Variants in TRPM3 observed in about 807,000 individuals in gnomAD.
TRPM3 encodes the protein transient receptor potential cation channel subfamily M member 3.
A neutral mutation model predicts 181.2 loss-of-function variants in TRPM3; 77 were observed. The ratio of observed to expected loss-of-function variants is 0.42; its 90% CI spans 0.35 to 0.51. The LOEUF is 0.51. Ranked by LOEUF, TRPM3 falls within the 20% of genes least tolerant of loss-of-function variation. TRPM3 has a pLI of 0.01. For missense variants in TRPM3, 1,759 were observed against 2,196.7 expected, an observed-to-expected ratio of 0.80 and a Z score of 3.98; for synonymous variants, 745 against 796.4, an observed-to-expected ratio of 0.94 and a Z score of 1.09.
At chr9:71,118,720 A>C (rs1368430632) in intron 1 of TRPM3, among the ~76,000 whole-genome samples, 1 of 152,142 alleles carries the variant, frequency 6.6e-6, no homozygotes, top group African/African-American at 2.4e-5. Context: ...TGTTACCTTA[A>C]GATTTCAATA....
intron 1 of TRPM3, among the ~76,000 whole-genome samples, chr9:71,279,334 C>T (rs184737840): frequency 3.9e-5 from 6 of 152,190 alleles, no homozygotes; most frequent in East Asian, 3.9e-4. Context: ...AGTTACACAA[C>T]GGAGCTCAAA....
chr9:71,147,931 A>G (rs951566319), intron 1 of TRPM3, among the ~76,000 whole-genome samples: 1 of 151,982 alleles, frequency 6.6e-6, no homozygotes, highest in Non-Finnish European at 1.5e-5. Flanking sequence ...TTTCCTCTCT[A>G]CCTTCACAAA....
chr9:70,901,607 C>T (rs2096387854), intron 1 of TRPM3, among the ~76,000 whole-genome samples: 1 of 151,690 alleles, frequency 6.6e-6, no homozygotes, highest in African/African-American at 2.4e-5. Flanking sequence ...AATATATTTC[C>T]AAATAAATTG....
At chr9:70,872,770 G>T (rs1047513577) in intron 1 of TRPM3, among the ~76,000 whole-genome samples, 15 of 151,896 alleles carry the variant, frequency 9.9e-5, no homozygotes, top group African/African-American at 2.9e-4. Context: ...TGTGGCCCCA[G>T]CACCTAGAAC....
At chr9:71,291,892 A>G (rs1196521794) in intron 1 of TRPM3, among the ~76,000 whole-genome samples, 3 of 152,110 alleles carry the variant, frequency 2.0e-5, no homozygotes, top group Non-Finnish European at 4.4e-5. Flanking sequence ...TTCAGATGGG[A>G]CATTTAGGAA....
At chr9:71,290,854 T>C (rs1221197645) in intron 1 of TRPM3, among the ~76,000 whole-genome samples, 1 of 149,616 alleles carries the variant, frequency 6.7e-6, no homozygotes, top group East Asian at 1.9e-4. Flanking sequence ...GACATAAGTG[T>C]ATAAAATCTA....
intron 22 of TRPM3, among the ~76,000 whole-genome samples, chr9:70,559,360 G>T (rs1043344154): frequency 9.2e-5 from 14 of 152,158 alleles, no homozygotes; most frequent in African/African-American, 1.4e-4. Context: ...GTATCATCAT[G>T]ACCTGTCAAT....
intron 1 of TRPM3, among the ~76,000 whole-genome samples, chr9:71,213,659 G>T (rs577401107): frequency 6.6e-6 from 1 of 152,206 alleles, no homozygotes; most frequent in Non-Finnish European, 1.5e-5. Context: ...TTTTAAAAAA[G>T]AGGTAACAGG....
intron 8 of TRPM3, among the ~76,000 whole-genome samples, chr9:70,693,710 G>A (rs11793669): frequency 0.36 from 55,059 of 151,860 alleles, 10,237 homozygotes; most frequent in East Asian, 0.46. Context: ...ATCTTGACAC[G>A]TTCCAGTTGG....
chr9:71,412,246 A>C (rs944151782), intron 1 of TRPM3, among the ~76,000 whole-genome samples: 2 of 152,192 alleles, frequency 1.3e-5, no homozygotes, highest in African/African-American at 4.8e-5. Context: ...AAATTGACAA[A>C]TGGGATCTAA....
At chr9:71,105,728 G>A (rs1591452867) in intron 1 of TRPM3, among the ~76,000 whole-genome samples, 1 of 152,180 alleles carries the variant, frequency 6.6e-6, no homozygotes, top group Admixed American at 6.5e-5. Flanking sequence ...AGCCCTAGGA[G>A]AGGCGTTCTC....
chr9:71,366,486 G>C (rs1226631659), intron 1 of TRPM3, among the ~76,000 whole-genome samples: 1 of 152,130 alleles, frequency 6.6e-6, no homozygotes, highest in Non-Finnish European at 1.5e-5. Flanking sequence ...ATGAGGGTAG[G>C]AGAGAGAGGA....
intron 1 of TRPM3, among the ~76,000 whole-genome samples, chr9:71,339,429 C>G (rs2090797910): frequency 6.6e-6 from 1 of 152,026 alleles, no homozygotes; most frequent in Non-Finnish European, 1.5e-5. Flanking sequence ...TTTACATATG[C>G]TACAAAGCCT....
chr9:70,775,856 T>A (rs966054061), intron 7 of TRPM3: 1 of 152,094 alleles, frequency 6.6e-6, no homozygotes, highest in Non-Finnish European at 1.5e-5. Context: ...ATTGTATGTA[T>A]TTATGGTATT....
intron 1 of TRPM3, among the ~76,000 whole-genome samples, chr9:71,434,698 C>T (rs2094007156): frequency 6.6e-6 from 1 of 152,196 alleles, no homozygotes; most frequent in Admixed American, 6.5e-5. Flanking sequence ...CCATACTTCC[C>T]TAAAATAGGC....
rs945880452 is a variant in TRPM3, at chr9:70,535,701, C to T, written c.*252G>A. 6 of 1,434,214 alleles carry T rather than the reference C, an allele frequency of 4.2e-6. No homozygotes were observed. The highest frequency in any genetic ancestry group is 2.4e-4 in the Middle Eastern group (1 of 4,096). The allele number at this position is 1,434,214 out of a possible 1,614,324, so 88.8% of individuals were successfully genotyped here. A position where few individuals can be genotyped will look rare whatever the true frequency, so the allele number is the denominator to read the frequency against. ...ACATTCATCTCTAACCCTTCCTTCTCCCTCTCTTCCCCCTCCCTGCCCAGC... is the reference window on the plus strand; with the variant it reads ...ACATTCATCTCTAACCCTTCCTTCTTCCTCTCTTCCCCCTCCCTGCCCAGC... On this transcript the variant is annotated 3_prime_UTR_variant, in exon 26 of 26. Transcript: ENST00000677713.
At chr9:70,988,405 A>G (rs1206372022) in intron 1 of TRPM3, among the ~76,000 whole-genome samples, 1 of 152,178 alleles carries the variant, frequency 6.6e-6, no homozygotes, top group Non-Finnish European at 1.5e-5. Context: ...GAGCATAAAA[A>G]CACTAATCAT....
At chr9:70,850,173 A>G (rs899226239) in intron 3 of TRPM3, among the ~76,000 whole-genome samples, 1 of 152,168 alleles carries the variant, frequency 6.6e-6, no homozygotes, top group Non-Finnish European at 1.5e-5. Context: ...ATTTGACTAG[A>G]GTTTACAATA....
At chr9:71,077,612 G>A (rs974072620) in intron 1 of TRPM3, among the ~76,000 whole-genome samples, 2 of 152,132 alleles carry the variant, frequency 1.3e-5, no homozygotes, top group African/African-American at 4.8e-5. Context: ...ATAAACATGA[G>A]TTCCTCTTTA....
Sources: allele counts gnomAD v4.1 joint callset (sites outside exome capture counted in the v4.1 genomes callset), GRCh38; gene constraint gnomAD v4.1.1; transcripts MANE v1.5; gene names NCBI Gene and HGNC (gene_info 2026-07-23, HGNC 2026-07-21).